The following TM9SF4 variants were observed in gnomAD, a reference collection of about 807,000 sequenced individuals.
The protein encoded by TM9SF4 is transmembrane 9 superfamily member 4.
In TM9SF4, 26 loss-of-function variants were observed where a neutral mutation model predicts 90.4. The ratio of observed to expected loss-of-function variants is 0.29; its 90% CI spans 0.21 to 0.40. TM9SF4 has a LOEUF of 0.40. Ranked by LOEUF, TM9SF4 falls within the 10% of genes least tolerant of loss-of-function variation. TM9SF4 has a pLI of 1.00. For missense variants in TM9SF4, 549 were observed against 834.8 expected, an observed-to-expected ratio of 0.66 and a Z score of 4.22; for synonymous variants, 293 against 315.4, an observed-to-expected ratio of 0.93 and a Z score of 0.75.
intron 1 of TM9SF4, chr20:32,109,973 C>T: frequency 2.1e-6 from 3 of 1,411,428 alleles, no homozygotes; most frequent in Non-Finnish European, 1.8e-6. Flanking sequence ...GGGGAGGCGC[C>T]GTTTCGGAGG....
At chr20:32,150,737 A>T in intron 11 of TM9SF4, 34 bp downstream of exon 11, 1 of 1,614,186 alleles carries the variant, frequency 6.2e-7, no homozygotes, top group South Asian at 1.1e-5. Context: ...CGGGGGCGGC[A>T]CAGGCCTCCT....
chr20:32,137,397 G>T (rs1169130136), intron 3 of TM9SF4, among the ~76,000 whole-genome samples: 1 of 152,236 alleles, frequency 6.6e-6, no homozygotes, highest in Non-Finnish European at 1.5e-5. Flanking sequence ...GGCACTCTTA[G>T]TATGATCCTG....
intron 5 of TM9SF4, 35 bp from the exon 6 acceptor site, chr20:32,142,947 T>A: frequency 1.2e-6 from 2 of 1,609,166 alleles, no homozygotes; most frequent in Non-Finnish European, 1.7e-6. Flanking sequence ...CCCTAAGTGA[T>A]GTTCTGTTGT....
intron 1 of TM9SF4, among the ~76,000 whole-genome samples, chr20:32,113,599 A>G (rs1569036311): frequency 8.2e-6 from 1 of 122,394 alleles, no homozygotes; most frequent in Non-Finnish European, 1.8e-5. Context: ...TTTGGAGAAT[A>G]AAACTCTACT....
chr20:32,166,000 C>T lies in TM9SF4; in HGVS notation c.*556C>T, dbSNP rs1468634656. On this transcript the variant is annotated 3_prime_UTR_variant, in exon 18 of 18. Transcript: ENST00000398022. ...TCAGTGCCAGCCAGCCTCTGCCAGA[C>T]CTCTCTTTCCCTCTTCTCCCCAGCC... 1 of 153,982 alleles carries T rather than the reference C, an allele frequency of 6.5e-6. No individual in the cohort carries two copies. The highest frequency in any genetic ancestry group is 2.0e-4 in the South Asian group (1 of 4,882). The allele number at this position is 153,982 out of a possible 1,614,324, so 9.5% of individuals were successfully genotyped here.
intron 1 of TM9SF4, among the ~76,000 whole-genome samples, chr20:32,122,886 A>G (rs2046347575): frequency 6.6e-6 from 1 of 151,944 alleles, no homozygotes; most frequent in South Asian, 2.1e-4. Flanking sequence ...GCCATTGAGC[A>G]CTGAGTGAAC....
Position 32,149,785 on chromosome 20 carries a change from G to A in TM9SF4, c.1087+19G>A. 1 of 1,613,202 alleles carries A rather than the reference G, an allele frequency of 6.2e-7. No homozygotes were observed. Among genetic ancestry groups the A allele is most frequent in the Non-Finnish European group, 8.5e-7 (1 of 1,179,316 alleles). ...GTCATCTGTGAGTGTGCCCAGCGGGGCCGGGCATGGGGGCATGGCTTCCTC... is the reference window on the plus strand; with the variant it reads ...GTCATCTGTGAGTGTGCCCAGCGGGACCGGGCATGGGGGCATGGCTTCCTC... On this transcript the variant is annotated intron_variant, in intron 10 of 17. Transcript: ENST00000398022.
At chr20:32,147,019 T>C (rs1000994629) in intron 9 of TM9SF4, among the ~76,000 whole-genome samples, 164 bp downstream of exon 9, 1 of 151,258 alleles carries the variant, frequency 6.6e-6, no homozygotes, top group African/African-American at 2.4e-5. Flanking sequence ...TCTCGCTCTG[T>C]CACCAGGCTG....
intron 1 of TM9SF4, among the ~76,000 whole-genome samples, chr20:32,115,807 C>CTTTTTTTTTT (rs386393622): frequency 2.6e-4 from 25 of 95,166 alleles, no homozygotes; most frequent in South Asian, 3.4e-4. Context: ...CCACTTTAAG[C>CTTTTTTTTTT]TTTTTTTTTT....
intron 3 of TM9SF4, chr20:32,136,750 A>C: frequency 2.3e-6 from 1 of 431,712 alleles, no homozygotes; most frequent in Non-Finnish European, 4.9e-6. Flanking sequence ...TCAGGTGTAG[A>C]GGTGTCTAGT....
At chr20:32,114,242 A>G (rs1418253684) in intron 1 of TM9SF4, among the ~76,000 whole-genome samples, 3 of 152,242 alleles carry the variant, frequency 2.0e-5, no homozygotes, top group African/African-American at 4.8e-5. Context: ...CAGGAATGGA[A>G]TAAATGACAT....
chr20:32,121,200 T>A (rs935232949), intron 1 of TM9SF4, among the ~76,000 whole-genome samples: 12 of 133,988 alleles, frequency 9.0e-5, no homozygotes, highest in Admixed American at 1.5e-4. Flanking sequence ...TCTTTTTTTT[T>A]TTATTTTTCT....
chr20:32,131,203 T>C (rs1352377826), intron 1 of TM9SF4, among the ~76,000 whole-genome samples: 1 of 152,128 alleles, frequency 6.6e-6, no homozygotes, highest in Non-Finnish European at 1.5e-5. Flanking sequence ...TTTACTGGAG[T>C]CAGGCTTTCC....
At chr20:32,115,752 A>G (rs1279222835) in intron 1 of TM9SF4, among the ~76,000 whole-genome samples, 3 of 148,470 alleles carry the variant, frequency 2.0e-5, no homozygotes, top group South Asian at 2.1e-4. Context: ...TTAAGCCTCA[A>G]TTACCTTATA....
At chr20:32,160,227 G>A (rs2046995255) in intron 16 of TM9SF4, 116 bp downstream of exon 16, 1 of 1,478,452 alleles carries the variant, frequency 6.8e-7, no homozygotes. Flanking sequence ...CCTGCTTCTG[G>A]CTCTGAGCTC....
chr20:32,155,816 G>T (rs944654680), intron 13 of TM9SF4, among the ~76,000 whole-genome samples: 25 of 152,352 alleles, frequency 1.6e-4, no homozygotes, highest in African/African-American at 5.8e-4. Flanking sequence ...CCACCTGGGG[G>T]TGGCGGTAAA....
intron 1 of TM9SF4, among the ~76,000 whole-genome samples, chr20:32,122,305 G>A (rs1183074196): frequency 3.1e-5 from 4 of 130,748 alleles, no homozygotes; most frequent in African/African-American, 1.1e-4. Flanking sequence ...GCGGGGGGCT[G>A]ACCCCCCCCA....
intron 9 of TM9SF4, among the ~76,000 whole-genome samples, chr20:32,149,113 A>C (rs1205711857): frequency 6.6e-6 from 1 of 152,252 alleles, no homozygotes; most frequent in Non-Finnish European, 1.5e-5. Context: ...TATACATAAA[A>C]GGTTAAAGGA....
At chr20:32,130,338 T>A (rs2046492453) in intron 1 of TM9SF4, among the ~76,000 whole-genome samples, 1 of 152,194 alleles carries the variant, frequency 6.6e-6, no homozygotes, top group Non-Finnish European at 1.5e-5. Flanking sequence ...TTGAGGTGTT[T>A]TGTTTTGTTT....
Sources: gnomAD v4.1 joint callset for allele counts (sites outside exome capture counted in the v4.1 genomes callset) on GRCh38, gnomAD v4.1.1 for gene constraint, MANE v1.5 for transcripts, NCBI Gene and HGNC (gene_info 2026-07-23, HGNC 2026-07-21) for gene names.